Variants in OLFML2B observed in about 807,000 individuals in gnomAD.
The protein encoded by OLFML2B is olfactomedin-like protein 2B.
In OLFML2B, 57 loss-of-function variants were observed where a neutral mutation model predicts 74.9. The ratio of observed to expected loss-of-function variants is 0.76; its 90% CI spans 0.61 to 0.95. The LOEUF (loss-of-function observed/expected upper bound fraction) is 0.95. OLFML2B is among the 40% of genes least tolerant of loss of function. OLFML2B has a pLI of 0.00. For missense variants in OLFML2B, 986 were observed against 970.6 expected (o/e 1.02, Z -0.21); for synonymous variants, 388 against 405.8 (o/e 0.96, Z 0.53).
chr1:161,987,110 C>T (rs1689614134), intron 6 of OLFML2B, among the ~76,000 whole-genome samples: 1 of 152,236 alleles, frequency 6.6e-6, no homozygotes, highest in Non-Finnish European at 1.5e-5. Flanking sequence ...GCTCTTGGCC[C>T]AGCCACCAAC....
intron 3 of OLFML2B, among the ~76,000 whole-genome samples, chr1:162,011,887 G>A (rs562224058): frequency 4.6e-5 from 7 of 152,274 alleles, no homozygotes; most frequent in South Asian, 2.1e-4. Flanking sequence ...CTAGGCCGAC[G>A]GATGGAGGGC....
chr1:162,021,718 G>A (rs867372361), intron 1 of OLFML2B, among the ~76,000 whole-genome samples: 4 of 152,144 alleles, frequency 2.6e-5, no homozygotes, highest in Non-Finnish European at 5.9e-5. Context: ...TGTTCTTTAC[G>A]GGCTGATAGT....
At chr1:161,994,357 G>A (rs1426887286) in intron 6 of OLFML2B, among the ~76,000 whole-genome samples, 1 of 152,258 alleles carries the variant, frequency 6.6e-6, no homozygotes, top group East Asian at 1.9e-4. Flanking sequence ...CCAAGCCTCG[G>A]GGTGGTTACA....
At chr1:162,004,657 A>G (rs1690170817) in intron 4 of OLFML2B, among the ~76,000 whole-genome samples, 1 of 152,104 alleles carries the variant, frequency 6.6e-6, no homozygotes, top group Non-Finnish European at 1.5e-5. Flanking sequence ...CCTACCCAAG[A>G]GTTTCAAGCC....
chr1:162,000,975 C>T (rs890626936), intron 4 of OLFML2B, among the ~76,000 whole-genome samples: 3 of 152,186 alleles, frequency 2.0e-5, no homozygotes, highest in South Asian at 4.1e-4. Flanking sequence ...TCTCTTGTTG[C>T]GTGCCCTGCA....
chr1:162,018,124 G>C (rs7554169), intron 2 of OLFML2B, among the ~76,000 whole-genome samples: 150,692 of 152,278 alleles, frequency 0.99, 74,578 homozygotes, highest in Middle Eastern at 1. Flanking sequence ...GATGCTAAGG[G>C]CTGCCTGATG....
intron 6 of OLFML2B, among the ~76,000 whole-genome samples, chr1:161,989,855 C>T (rs1212583109): frequency 1.3e-5 from 2 of 152,154 alleles, no homozygotes; most frequent in African/African-American, 4.8e-5. Context: ...TCAAAGTGAG[C>T]ACAAGGTAGG....
chr1:161,984,437 C>T lies in OLFML2B; in HGVS notation c.1652-161G>A, dbSNP rs142830931. 1.1e-3 allele frequency among the ~76,000 whole-genome samples: 171 copies of T among 152,322 alleles called. 1 individual carries two copies. The highest frequency in any genetic ancestry group is 3.9e-3 in the African/African-American group (163 of 41,574). On this transcript the variant is annotated intron_variant, in intron 7 of 7. Transcript: ENST00000294794. ...CCTGTAGCACATCACTCAACCTGTC[C>T]GTGCCTCAGTGTCCTTATCTGTCAT...
At chr1:161,994,091 C>T (rs1039249188) in intron 6 of OLFML2B, among the ~76,000 whole-genome samples, 6 of 152,240 alleles carry the variant, frequency 3.9e-5, no homozygotes, top group African/African-American at 7.2e-5. Flanking sequence ...CTGTGTTATA[C>T]GATGACTGGA....
chr1:161,984,942 T>C lies in OLFML2B; in HGVS notation c.1513A>G (p.Thr505Ala). The change falls in exon 7 of 8, where the codon ACC becomes GCC. Residue 505 changes from threonine to alanine, a missense_variant. Transcript: ENST00000294794. ...KDTLSTITGP[T>A]TQNTYGRNEG... ...TTCCGCCCATATGTGTTCTGGGTGG[T>C]CGGCCCCGTGATTGTGGAGAGAGTG... 6.2e-7 allele frequency: 1 copy of C among 1,610,842 alleles called. No homozygotes were observed. The highest frequency in any genetic ancestry group is 1.1e-5 in the South Asian group (1 of 90,732).
intron 4 of OLFML2B, among the ~76,000 whole-genome samples, chr1:162,000,994 C>T (rs1359671564): frequency 6.6e-6 from 1 of 152,204 alleles, no homozygotes; most frequent in Non-Finnish European, 1.5e-5. Flanking sequence ...CACCCCACGC[C>T]CTAGGCACTC....
At chr1:162,007,588 G>A (rs1690269705) in intron 3 of OLFML2B, among the ~76,000 whole-genome samples, 1 of 152,204 alleles carries the variant, frequency 6.6e-6, no homozygotes, top group Admixed American at 6.5e-5. Context: ...TAGAGGATGT[G>A]TTTGCTTTCC....
In OLFML2B at chr1:161,984,013, C is replaced by T. The variant is rs767988749; in HGVS notation, c.1915G>A (p.Glu639Lys). The T allele has an allele frequency of 6.2e-7, 1 of 1,614,240 alleles. No homozygotes were observed. The highest frequency in any genetic ancestry group is 8.5e-7 in the Non-Finnish European group (1 of 1,180,042). Residue 639 changes from glutamate to lysine, a missense_variant, in exon 8 of 8, where the codon GAG (glutamate) becomes AAG (lysine). Physicochemically the swap from Glu to Lys is moderately conservative, Grantham distance 56. Transcript: ENST00000294794. ...LWLIYPALDD[E>K]GFSQEVIVLS... ...ACAATGACCTCCTGGCTGAAGCCCTCATCGTCCAGGGCCGGGTAGATGAGC... is the reference window on the plus strand; with the variant it reads ...ACAATGACCTCCTGGCTGAAGCCCTTATCGTCCAGGGCCGGGTAGATGAGC...
intron 3 of OLFML2B, among the ~76,000 whole-genome samples, chr1:162,008,237 T>C (rs549378457): frequency 2.1e-4 from 32 of 152,284 alleles, no homozygotes; most frequent in Non-Finnish European, 1.3e-4. Context: ...TGAGTTAATA[T>C]ATATGGATGT....
intron 3 of OLFML2B, among the ~76,000 whole-genome samples, chr1:162,016,614 A>G (rs1690545359): frequency 6.6e-6 from 1 of 152,252 alleles, no homozygotes; most frequent in Non-Finnish European, 1.5e-5. Flanking sequence ...ACCAGGTGCG[A>G]GTCAATGAAA....
At chr1:161,995,383 T>C (rs1689864199) in intron 6 of OLFML2B, among the ~76,000 whole-genome samples, 1 of 152,200 alleles carries the variant, frequency 6.6e-6, no homozygotes, top group East Asian at 1.9e-4. Flanking sequence ...AAACCTTACA[T>C]CGTCAGCATG....
intron 3 of OLFML2B, among the ~76,000 whole-genome samples, chr1:162,011,782 T>A (rs1690396060): frequency 6.6e-6 from 1 of 152,204 alleles, no homozygotes; most frequent in African/African-American, 2.4e-5. Flanking sequence ...CCCAGGCCTC[T>A]GGTGATGAAT....
chr1:161,999,542 C>A (rs1571295364), intron 5 of OLFML2B, among the ~76,000 whole-genome samples: 1 of 151,928 alleles, frequency 6.6e-6, no homozygotes, highest in Non-Finnish European at 1.5e-5. Flanking sequence ...GGGGAAGAGT[C>A]GGGGCCTGCT....
chr1:162,009,653 C>T (rs1010994479), intron 3 of OLFML2B, among the ~76,000 whole-genome samples: 9 of 152,214 alleles, frequency 5.9e-5, no homozygotes, highest in African/African-American at 2.2e-4. Flanking sequence ...CAAAGCCTGC[C>T]AGCCGCCTGA....
Sources: allele counts gnomAD v4.1 joint callset (sites outside exome capture counted in the v4.1 genomes callset), GRCh38; gene constraint gnomAD v4.1.1; transcripts MANE v1.5; gene names NCBI Gene and HGNC (gene_info 2026-07-23, HGNC 2026-07-21).